Variants in RXRA observed in about 807,000 individuals in gnomAD.
RXRA encodes retinoid X receptor alpha, also known as retinoic acid receptor RXR-alpha.
Under a neutral mutation model 44.5 loss-of-function variants are expected in RXRA, and 5 were observed. That is an observed-to-expected ratio of 0.11 (90% CI 0.06 to 0.24). The LOEUF (loss-of-function observed/expected upper bound fraction) is 0.24, where lower values mean the gene tolerates loss of function less well. RXRA is among the 10% of genes least tolerant of loss of function. The probability of loss-of-function intolerance (pLI) is 1.00; values close to 1 mark genes in which losing one functional copy is unlikely to be tolerated. For missense variants in RXRA, 412 were observed against 646.5 expected, an observed-to-expected ratio of 0.64 and a Z score of 3.93; for synonymous variants, 291 against 271.4, an observed-to-expected ratio of 1.07 and a Z score of -0.71.
At chr9:134,353,435 G>A (rs782719739) in intron 1 of RXRA, among the ~76,000 whole-genome samples, 10 of 152,158 alleles carry the variant, frequency 6.6e-5, no homozygotes, top group Non-Finnish European at 1.3e-4. Context: ...CATGTACACC[G>A]CACGTGTATG....
rs989274068 is a variant in RXRA, at chr9:134,438,648, G to T, written c.*2034G>T. 1 of 152,796 alleles carries T rather than the reference G, an allele frequency of 6.5e-6. No homozygotes were observed. Among genetic ancestry groups the T allele is most frequent in the African/African-American group, 2.4e-5 (1 of 41,484 alleles). 9.5% of individuals were successfully genotyped at this position (152,796 alleles called of 1,614,324 possible). A position where few individuals can be genotyped will look rare whatever the true frequency, so the allele number is the denominator to read the frequency against. On this transcript the variant is annotated 3_prime_UTR_variant, in exon 10 of 10. Coordinates refer to ENST00000481739, the MANE Select transcript of RXRA (RefSeq NM_002957.6). ...CGGGTGTGGTGGAAATGGCAGGAGG[G>T]TGCAGGTACTCTTGGGGCCCCAGCG...
intron 1 of RXRA, among the ~76,000 whole-genome samples, chr9:134,399,916 A>T (rs555486202): frequency 9.6e-4 from 146 of 152,282 alleles, no homozygotes; most frequent in Admixed American, 3.1e-3. Flanking sequence ...GAGAGGAAGC[A>T]AGAGGGGGTG....
chr9:134,374,266 C>A (rs1411002332), intron 1 of RXRA: 1 of 152,342 alleles, frequency 6.6e-6, no homozygotes, highest in Non-Finnish European at 1.5e-5. Context: ...GGCCGCTGTG[C>A]CCCAGTGGAG....
chr9:134,373,059 G>C (rs1236165645), intron 1 of RXRA, among the ~76,000 whole-genome samples: 1 of 152,208 alleles, frequency 6.6e-6, no homozygotes. Context: ...AGCAGGGGAG[G>C]GGCCCTGGAG....
At chr9:134,351,723 A>G (rs1830223736) in intron 1 of RXRA, among the ~76,000 whole-genome samples, 1 of 152,244 alleles carries the variant, frequency 6.6e-6, no homozygotes, top group Non-Finnish European at 1.5e-5. Context: ...TCTTTAATTA[A>G]GGCCGAGATG....
chr9:134,396,932 C>T (rs905475437), intron 1 of RXRA, among the ~76,000 whole-genome samples: 11 of 152,214 alleles, frequency 7.2e-5, no homozygotes, highest in African/African-American at 7.2e-5. Context: ...GCCGGAGGTT[C>T]CCTGGCTGCC....
intron 1 of RXRA, among the ~76,000 whole-genome samples, chr9:134,327,830 G>C (rs1554746218): frequency 6.6e-6 from 1 of 152,182 alleles, no homozygotes; most frequent in African/African-American, 2.4e-5. Flanking sequence ...GCTGCCCCGT[G>C]ACCGGGGCAG....
intron 1 of RXRA, among the ~76,000 whole-genome samples, chr9:134,330,175 G>A (rs1195661915): frequency 6.6e-6 from 1 of 152,210 alleles, no homozygotes; most frequent in African/African-American, 2.4e-5. Flanking sequence ...GCAGACACAG[G>A]GCAGAGGCCC....
At position 134,422,042 on chromosome 9, in the gene RXRA, C is replaced by T. The variant is rs1240550317; in HGVS notation, c.910+237C>T. On this transcript the variant is annotated intron_variant, in intron 6 of 9. Transcript: ENST00000481739. ...CTCCCCCCTCCCTGGATGCTCCCAT[C>T]TCCCAGGACGCTCCCCTCTCCCAGG... The T allele has an allele frequency of 1.4e-5, 19 of 1,359,176 alleles. No homozygotes were observed. In the East Asian group the frequency reaches 2.8e-4, roughly 20 times the overall value. The allele number at this position is 1,359,176 out of a possible 1,614,324, so 84.2% of individuals were successfully genotyped here.
rs922571285 is a variant in RXRA at position 134,407,939 on chromosome 9, T to A, written c.280-210T>A. 3.3e-5 allele frequency among the ~76,000 whole-genome samples: 5 copies of A among 151,754 alleles called. No homozygotes were observed. Among genetic ancestry groups the A allele is most frequent in the Non-Finnish European group, 7.4e-5 (5 of 67,880 alleles). Reference sequence around the variant, plus strand: ...GGTCTGCTGCGGGCGAGTCCTGAGGTTGCCACAGCCTCTGCTGGCCTTGCT... The same window carrying A: ...GGTCTGCTGCGGGCGAGTCCTGAGGATGCCACAGCCTCTGCTGGCCTTGCT... On this transcript the variant is annotated intron_variant, in intron 2 of 9. Coordinates refer to ENST00000481739, the MANE Select transcript of RXRA (RefSeq NM_002957.6). This position sits in a 1 kb window ranked among gnomAD's most constrained non-coding sequence, Gnocchi z 4.8.
chr9:134,348,688 G>A (rs1056427638), intron 1 of RXRA, among the ~76,000 whole-genome samples: 19 of 149,496 alleles, frequency 1.3e-4, no homozygotes, highest in South Asian at 4.2e-4. Flanking sequence ...CCCTGTCCTC[G>A]GGGTCCTAGG....
intron 1 of RXRA, among the ~76,000 whole-genome samples, chr9:134,369,204 G>A (rs1361435625): frequency 3.2e-5 from 2 of 61,728 alleles, no homozygotes; most frequent in Non-Finnish European, 6.0e-5. Flanking sequence ...GTGTGTGTGG[G>A]GTTATGTGTG....
rs546752419 is a variant in RXRA, at chr9:134,407,542, G to C, written c.280-607G>C. On this transcript the variant is annotated intron_variant, in intron 2 of 9. Transcript: ENST00000481739. The surrounding 1 kb of genome is among the most constrained non-coding windows in gnomAD (Gnocchi z 4.8). ...CGGCAGCGTGCGGGCCGGCGGGTGG[G>C]GCGGAGGGGTGTGCAGAGAGGCCAG... 6.6e-6 allele frequency among the ~76,000 whole-genome samples: 1 copy of C among 152,220 alleles called. No individual in the cohort carries two copies. The highest frequency in any genetic ancestry group is 6.5e-5 in the Admixed American group (1 of 15,288).
chr9:134,417,873 C>G lies in RXRA; in HGVS notation c.780+546C>G, dbSNP rs1244690653. 2.6e-5 allele frequency among the ~76,000 whole-genome samples: 4 copies of G among 152,096 alleles called. No homozygotes were observed. The South Asian group carries it at 8.3e-4, about 31-fold the overall frequency. ...CCAGCTGGTCACCCCCATGCTGACC[C>G]TCCTGCCCCCTCCCACCCCAACAGC... On this transcript the variant is annotated intron_variant, in intron 5 of 9. Transcript: ENST00000481739. The surrounding 1 kb of genome is among the most constrained non-coding windows in gnomAD (Gnocchi z 6.1).
intron 8 of RXRA, among the ~76,000 whole-genome samples, chr9:134,432,507 G>A (rs1480911111): frequency 1.3e-5 from 2 of 152,242 alleles, no homozygotes; most frequent in Non-Finnish European, 2.9e-5. Context: ...GCTGGGGCTG[G>A]GCACAGGCCT....
chr9:134,332,437 G>A (rs1835019702), intron 1 of RXRA, among the ~76,000 whole-genome samples: 1 of 152,174 alleles, frequency 6.6e-6, no homozygotes, highest in African/African-American at 2.4e-5. Context: ...CCCTGGCTGG[G>A]GAGGCGGGGA....
chr9:134,360,771 C>T (rs958670497), intron 1 of RXRA, among the ~76,000 whole-genome samples: 1 of 152,156 alleles, frequency 6.6e-6, no homozygotes, highest in African/African-American at 2.4e-5. Flanking sequence ...CCTTACAATT[C>T]CTGGGACTCA....
intron 6 of RXRA, chr9:134,422,492 C>A (rs1258264920): frequency 8.2e-7 from 1 of 1,220,974 alleles, no homozygotes; most frequent in Admixed American, 2.4e-5. Flanking sequence ...ACACTCCCCC[C>A]TCCCAGGACA....
Position 134,436,694 on chromosome 9 carries a change from G to C in RXRA, c.*80G>C. The C allele has an allele frequency of 6.5e-7, 1 of 1,547,492 alleles. No individual in the cohort carries two copies. The highest frequency in any genetic ancestry group is 8.8e-7 in the Non-Finnish European group (1 of 1,132,966). ...AGCTGTTCTTCTCAGCCTGAGCCCT[G>C]TCCCTGCCCTTCTCTGCCTGGCCTG... On this transcript the variant is annotated 3_prime_UTR_variant, in exon 10 of 10. Transcript: ENST00000481739.
Sources: allele counts gnomAD v4.1 joint callset (sites outside exome capture counted in the v4.1 genomes callset), GRCh38; gene constraint gnomAD v4.1.1; non-coding constraint Gnocchi (gnomAD v3.1); transcripts MANE v1.5; gene names NCBI Gene and HGNC (gene_info 2026-07-23, HGNC 2026-07-21).